Variants in TNNI3K observed in about 807,000 individuals in gnomAD.
TNNI3K encodes the protein TNNI3 interacting kinase.
A neutral mutation model predicts 114.5 loss-of-function variants in TNNI3K; 140 were observed. That is an observed-to-expected ratio of 1.22 (90% CI 1.07 to 1.41). TNNI3K has a LOEUF of 1.41. Ranked by LOEUF, TNNI3K falls within the 40% of genes most tolerant of loss-of-function variation. The pLI, the probability that TNNI3K is intolerant of heterozygous loss-of-function variation, is 0.00. For synonymous variants in TNNI3K, 347 were observed against 347.5 expected, an observed-to-expected ratio of 1.00 and a Z score of 0.02; for missense variants, 1,125 against 1,007.6, an observed-to-expected ratio of 1.12 and a Z score of -1.58.
chr1:74,542,438 T>A (rs181430920), intron 24 of TNNI3K, among the ~76,000 whole-genome samples: 2 of 152,320 alleles, frequency 1.3e-5, no homozygotes, highest in African/African-American at 4.8e-5. Flanking sequence ...TTTGTTTTAG[T>A]CTACACAGAA....
intron 5 of TNNI3K, among the ~76,000 whole-genome samples, chr1:74,315,264 T>G (rs1659245162): frequency 6.6e-6 from 1 of 152,182 alleles, no homozygotes; most frequent in South Asian, 2.1e-4. Context: ...GATTCCATTA[T>G]TAGTCTAGTT....
At position 74,336,156 on chromosome 1, in the gene TNNI3K, T is replaced by A; in HGVS notation, c.682+7T>A. On this transcript the variant is annotated splice_region_variant and intron_variant, in intron 7 of 24. Transcript: ENST00000326637. ...GAAGGCAGCAAAGCAGATGGTAAGA[T>A]TATATATTTAAAAGACCTTTGCTAT... 6.3e-7 allele frequency: 1 copy of A among 1,592,332 alleles called. No individual in the cohort carries two copies. Among genetic ancestry groups the A allele is most frequent in the African/African-American group, 1.4e-5 (1 of 73,446 alleles).
At chr1:74,251,690 C>A (rs907628414) in intron 4 of TNNI3K, among the ~76,000 whole-genome samples, 2 of 152,132 alleles carry the variant, frequency 1.3e-5, no homozygotes, top group Admixed American at 6.5e-5. Context: ...GGAGGAGGGA[C>A]AACTTTTTGC....
intron 23 of TNNI3K, among the ~76,000 whole-genome samples, chr1:74,533,255 A>T (rs1389976300): frequency 6.6e-6 from 1 of 152,256 alleles, no homozygotes; most frequent in African/African-American, 2.4e-5. Flanking sequence ...GGCAAAGGAC[A>T]TGAACAGACA....
chr1:74,302,304 G>C (rs1186858422), intron 5 of TNNI3K, among the ~76,000 whole-genome samples: 1 of 152,018 alleles, frequency 6.6e-6, no homozygotes, highest in Non-Finnish European at 1.5e-5. Context: ...TTCTCTCCTT[G>C]GGCCTACCTA....
chr1:74,255,162 G>A (rs1655196590), intron 4 of TNNI3K, among the ~76,000 whole-genome samples: 3 of 151,892 alleles, frequency 2.0e-5, no homozygotes, highest in Admixed American at 6.6e-5. Flanking sequence ...AGACCATCCC[G>A]GCTAAAATGG....
At chr1:74,464,815 G>T in intron 21 of TNNI3K, 1 of 1,489,614 alleles carries the variant, frequency 6.7e-7, no homozygotes, top group South Asian at 1.4e-5. Context: ...CTACCAAAAT[G>T]TTAGCTCCAT....
intron 20 of TNNI3K, among the ~76,000 whole-genome samples, chr1:74,442,918 TA>T (rs982114486): frequency 2.0e-5 from 3 of 150,764 alleles, no homozygotes; most frequent in Admixed American, 6.6e-5. Context: ...GAATCCTGAG[TA>T]AAAAAATGAA....
intron 5 of TNNI3K, among the ~76,000 whole-genome samples, chr1:74,304,775 C>T (rs1014808404): frequency 3.9e-5 from 6 of 152,220 alleles, no homozygotes; most frequent in African/African-American, 1.4e-4. Flanking sequence ...CAAGGTATTA[C>T]ATTGTGTTTT....
intron 17 of TNNI3K, among the ~76,000 whole-genome samples, chr1:74,401,519 G>A (rs944315434): frequency 6.6e-6 from 1 of 152,142 alleles, no homozygotes; most frequent in East Asian, 1.9e-4. Flanking sequence ...CTACTGTTCA[G>A]TTATTGGGAA....
chr1:74,465,036 G>C, intron 21 of TNNI3K: 2 of 1,066,312 alleles, frequency 1.9e-6, no homozygotes, highest in Non-Finnish European at 2.3e-6. Context: ...TTGTATTTCA[G>C]TGTGAACCTC....
intron 5 of TNNI3K, among the ~76,000 whole-genome samples, chr1:74,280,013 G>T (rs140526065): frequency 1.3e-5 from 2 of 150,406 alleles, no homozygotes; most frequent in East Asian, 2.0e-4. Context: ...TTGAACAACT[G>T]CCCAGGCAAG....
chr1:74,470,064 G>T (rs913758025), intron 21 of TNNI3K: 7 of 400,510 alleles, frequency 1.7e-5, no homozygotes, highest in Non-Finnish European at 2.7e-5. Flanking sequence ...CTGTCATTGC[G>T]CCTTCTTTAT....
chr1:74,395,056 A>AG (rs1557541133), intron 17 of TNNI3K, among the ~76,000 whole-genome samples: 1 of 151,846 alleles, frequency 6.6e-6, no homozygotes, highest in African/African-American at 2.4e-5. Flanking sequence ...AAAAAAAAAA[A>AG]AGAGAAAACA....
chr1:74,443,097 AAAC>A (rs944393843), intron 20 of TNNI3K, among the ~76,000 whole-genome samples: 1 of 152,158 alleles, frequency 6.6e-6, no homozygotes, highest in South Asian at 2.1e-4. Context: ...ATTACAACAA[AAAC>A]AACTGGAGAA....
Position 74,237,490 on chromosome 1 carries a change from C to A in TNNI3K, c.149+1280C>A, listed in dbSNP as rs74566678. Among the ~76,000 whole-genome samples the A allele has an allele frequency of 2.5e-4, 38 of 152,058 alleles. No individual in the cohort carries two copies. The East Asian group carries it at 6.0e-3, about 24-fold the overall frequency. On this transcript the variant is annotated intron_variant, in intron 2 of 24. Coordinates refer to ENST00000326637, the MANE Select transcript of TNNI3K (RefSeq NM_015978.3). The stretch of plus-strand genomic sequence containing the variant: ...GAGATTTTCCTCAACTTTTAAAGGT[C>A]AAAGCCTCAGTTATTTAGTATTATT...
intron 20 of TNNI3K, among the ~76,000 whole-genome samples, chr1:74,458,337 G>C (rs1667313466): frequency 6.6e-6 from 1 of 152,238 alleles, no homozygotes; most frequent in East Asian, 1.9e-4. Context: ...ATGCTCATGA[G>C]GCAAATTGGT....
chr1:74,509,740 T>C (rs1670081713), intron 23 of TNNI3K, among the ~76,000 whole-genome samples: 1 of 146,632 alleles, frequency 6.8e-6, no homozygotes, highest in Admixed American at 7.0e-5. Flanking sequence ...TTGAGTGATC[T>C]GAATTTCTTT....
intron 24 of TNNI3K, among the ~76,000 whole-genome samples, chr1:74,541,893 A>G (rs1197104633): frequency 6.6e-6 from 1 of 152,220 alleles, no homozygotes; most frequent in East Asian, 1.9e-4. Flanking sequence ...TGATCGCAAT[A>G]TAACAACAAT....
Sources: gnomAD v4.1 joint callset for allele counts (sites outside exome capture counted in the v4.1 genomes callset) on GRCh38, gnomAD v4.1.1 for gene constraint, MANE v1.5 for transcripts, NCBI Gene and HGNC (gene_info 2026-07-23, HGNC 2026-07-21) for gene names.